Variants in CEACAM5 observed in about 807,000 individuals in gnomAD.
CEACAM5 encodes CEA cell adhesion molecule 5.
A neutral mutation model predicts 63.0 loss-of-function variants in CEACAM5; 52 were observed. The ratio of observed to expected loss-of-function variants is 0.83; its 90% CI spans 0.66 to 1.04. CEACAM5 has a LOEUF of 1.04. CEACAM5 is among the 50% of genes least tolerant of loss of function. The pLI, the probability that CEACAM5 is intolerant of heterozygous loss-of-function variation, is 0.00. For synonymous variants in CEACAM5, 357 were observed against 351.3 expected (o/e 1.02, Z -0.18); for missense variants, 790 against 864.8 (o/e 0.91, Z 1.08).
chr19:41,715,312 G>T, intron 3 of CEACAM5, 63 bp downstream of exon 3: 1 of 1,604,146 alleles, frequency 6.2e-7, no homozygotes, highest in Non-Finnish European at 8.5e-7. Flanking sequence ...CCAGAGGCAG[G>T]ATTTCTCAGT....
intron 7 of CEACAM5, 126 bp from the exon 8 acceptor site, chr19:41,720,796 G>A (rs565573309): frequency 9.3e-6 from 12 of 1,288,862 alleles, no homozygotes; most frequent in South Asian, 7.0e-5. Flanking sequence ...CACCGCACCC[G>A]GCCGATTTGG....
chr19:41,722,399 C>T (rs972103686), intron 8 of CEACAM5, among the ~76,000 whole-genome samples: 1 of 150,232 alleles, frequency 6.7e-6, no homozygotes, highest in East Asian at 2.0e-4. Context: ...TAAATCAAGT[C>T]TTTTTATACT....
intron 6 of CEACAM5, 128 bp from the exon 7 acceptor site, chr19:41,719,798 TACAC>T: frequency 1.3e-6 from 2 of 1,501,162 alleles, no homozygotes; most frequent in South Asian, 2.6e-5. Flanking sequence ...TGTCTTGTGA[TACAC>T]ACACCTGCCA....
At chr19:41,720,874 C>A (rs1489444483) in intron 7 of CEACAM5, 48 bp from the exon 8 acceptor site, 7 of 1,603,984 alleles carry the variant, frequency 4.4e-6, no homozygotes, top group Non-Finnish European at 5.1e-6. Context: ...CAGGAGCTTC[C>A]CCTTTCCTCT....
intron 6 of CEACAM5, among the ~76,000 whole-genome samples, chr19:41,719,182 G>C (rs1477825641): frequency 6.6e-6 from 1 of 152,182 alleles, no homozygotes; most frequent in Non-Finnish European, 1.5e-5. Context: ...CAACATGGCA[G>C]GGAAGGGGCA....
rs75417517 is a variant in CEACAM5 at position 41,711,535 on chromosome 19, T to C, written c.424+1496T>C. On this transcript the variant is annotated intron_variant, in intron 2 of 9. Coordinates refer to ENST00000221992, the MANE Select transcript of CEACAM5 (RefSeq NM_004363.6). ...CGTGTCCATCAGGGGCTGAGATCCA[T>C]GTACCATTCCTCTGACCCCCTGTCC... Among the ~76,000 whole-genome samples, 12 of 152,234 alleles carry C rather than the reference T, an allele frequency of 7.9e-5. No homozygotes were observed. The East Asian group carries it at 2.1e-3, about 27-fold the overall frequency.
At position 41,717,841 on chromosome 19, in the gene CEACAM5, C is replaced by T. The variant is rs1283556073; in HGVS notation, c.1237+108C>T. 8 of 1,400,938 alleles carry T rather than the reference C, an allele frequency of 5.7e-6. No individual in the cohort carries two copies. The East Asian group carries it at 1.6e-4, about 28-fold the overall frequency. The allele number at this position is 1,400,938 out of a possible 1,614,324, so 86.8% of individuals were successfully genotyped here. On this transcript the variant is annotated intron_variant, in intron 5 of 9. Coordinates refer to ENST00000221992, the MANE Select transcript of CEACAM5 (RefSeq NM_004363.6). Reference sequence around the variant, plus strand: ...GGCCCAAGGACAGAGACTTTTACCCCTGGACATCCAGGCTGGCCCTACCCC... The same window carrying T: ...GGCCCAAGGACAGAGACTTTTACCCTTGGACATCCAGGCTGGCCCTACCCC...
In CEACAM5 at chr19:41,709,685, C is replaced by T. The variant is rs2072401517; in HGVS notation, c.70C>T (p.Leu24Phe). The part of the protein sequence containing the change: ...PWQRLLLTAS[L>F]LTFWNPPTTA... ...TGCTCTCTGCTCTCTCCTAGCCTCA[C>T]TTCTAACCTTCTGGAACCCGCCCAC... Residue 24 changes from leucine (L) to phenylalanine (F), a missense_variant, in exon 2 of 10, where the codon CTT (leucine) becomes TTT (phenylalanine). Leu to Phe is a conservative substitution (Grantham distance 22, BLOSUM62 0). Coordinates refer to ENST00000221992, the MANE Select transcript of CEACAM5 (RefSeq NM_004363.6). 1.2e-5 allele frequency: 20 copies of T among 1,613,436 alleles called. No individual in the cohort carries two copies. The highest frequency in any genetic ancestry group is 1.6e-5 in the Non-Finnish European group (19 of 1,179,590).
At chr19:41,712,778 T>G (rs1555814276) in intron 2 of CEACAM5, among the ~76,000 whole-genome samples, 2 of 152,232 alleles carry the variant, frequency 1.3e-5, no homozygotes, top group East Asian at 3.8e-4. Context: ...CAATTGATCT[T>G]AGATCTTTAG....
intron 2 of CEACAM5, among the ~76,000 whole-genome samples, chr19:41,711,934 G>T (rs2122775619): frequency 6.6e-6 from 1 of 152,280 alleles, no homozygotes; most frequent in East Asian, 1.9e-4. Flanking sequence ...GGCACAGATG[G>T]AGCCCCTGCC....
chr19:41,714,897 A>G, intron 2 of CEACAM5, 74 bp from the exon 3 acceptor site: 1 of 1,603,074 alleles, frequency 6.2e-7, no homozygotes, highest in Non-Finnish European at 8.5e-7. Context: ...GGAAGGTGCC[A>G]ACTCTGATTG....
chr19:41,721,895 A>G (rs554987445), intron 8 of CEACAM5, among the ~76,000 whole-genome samples: 1 of 152,370 alleles, frequency 6.6e-6, no homozygotes, highest in East Asian at 1.9e-4. Context: ...TGGACACAGC[A>G]CATAGGACAC....
rs138220981 is a variant in CEACAM5 at position 41,725,659 on chromosome 19, C to T, written c.2027-1575C>T. 6.8e-3 allele frequency among the ~76,000 whole-genome samples: 1,033 copies of T among 152,184 alleles called. 8 individuals carry two copies. The highest frequency in any genetic ancestry group is 0.034 in the Middle Eastern group (10 of 294). On this transcript the variant is annotated intron_variant, in intron 8 of 9. Transcript: ENST00000221992. ...ATGTGCTGGGATTAAATGTGTGAGC[C>T]GCTATACCTCCATTTTCATTTCTGA...
chr19:41,721,734 G>A (rs2072625420), intron 8 of CEACAM5, among the ~76,000 whole-genome samples: 1 of 152,250 alleles, frequency 6.6e-6, no homozygotes, highest in African/African-American at 2.4e-5. Flanking sequence ...AAGGTGTCCA[G>A]GTGGCCTGTT....
At chr19:41,721,393 G>A (rs1555816218) in intron 8 of CEACAM5, among the ~76,000 whole-genome samples, 3 of 152,264 alleles carry the variant, frequency 2.0e-5, no homozygotes, top group African/African-American at 2.4e-5. Context: ...AGCCTGGAAT[G>A]TGGGGAGGGG....
chr19:41,730,433 A>G lies in CEACAM5; in HGVS notation c.*1286A>G, dbSNP rs1190480123. 6.6e-6 allele frequency among the ~76,000 whole-genome samples: 1 copy of G among 151,574 alleles called. No homozygotes were observed. Among genetic ancestry groups the G allele is most frequent in the South Asian group, 2.1e-4 (1 of 4,798 alleles). On this transcript the variant is annotated 3_prime_UTR_variant, in exon 10 of 10. Transcript: ENST00000221992. ...TGAGACTCCGTCAAAAAAAAAAAAA[A>G]GTCTATGTGGTCAGTCACTACTCTT...
At chr19:41,709,211 A>G (rs1218713736) in intron 1 of CEACAM5, among the ~76,000 whole-genome samples, 8 of 152,242 alleles carry the variant, frequency 5.3e-5, no homozygotes, top group Non-Finnish European at 8.8e-5. Flanking sequence ...GGGTGCAACC[A>G]AGATCACACA....
intron 1 of CEACAM5, 58 bp downstream of exon 1, chr19:41,708,853 G>C (rs2072386287): frequency 7.3e-7 from 1 of 1,377,726 alleles, no homozygotes; most frequent in African/African-American, 1.4e-5. Flanking sequence ...CTCCTGGGTA[G>C]GACAGGGCTG....
At chr19:41,726,662 GGAGA>G (rs1215881345) in intron 8 of CEACAM5, among the ~76,000 whole-genome samples, 8 of 152,210 alleles carry the variant, frequency 5.3e-5, no homozygotes, top group African/African-American at 1.7e-4. Context: ...AGGAGAAAGA[GGAGA>G]GAGTTTTAGA....
Sources: gnomAD v4.1 joint callset for allele counts (sites outside exome capture counted in the v4.1 genomes callset) on GRCh38, gnomAD v4.1.1 for gene constraint, MANE v1.5 for transcripts, NCBI Gene and HGNC (gene_info 2026-07-23, HGNC 2026-07-21) for gene names.